PIP5K1B: variants seen among roughly 807,000 people sequenced by gnomAD.
The protein encoded by PIP5K1B is phosphatidylinositol 4-phosphate 5-kinase type-1 beta.
In PIP5K1B, 42 loss-of-function variants were observed where a neutral mutation model predicts 67.0. The observed-to-expected ratio is 0.63, with a 90% CI of 0.49 to 0.81. The LOEUF is 0.81. PIP5K1B is among the 30% of genes least tolerant of loss of function. The pLI is 0.00. For synonymous variants in PIP5K1B, 214 were observed against 231.4 expected, an observed-to-expected ratio of 0.92 and a Z score of 0.68; for missense variants, 459 against 646.3, an observed-to-expected ratio of 0.71 and a Z score of 3.14.
chr9:68,803,625 C>G (rs1832718862), intron 2 of PIP5K1B, among the ~76,000 whole-genome samples: 1 of 152,234 alleles, frequency 6.6e-6, no homozygotes, highest in African/African-American at 2.4e-5. Context: ...ATGCACTTCC[C>G]AACTGAGTTT....
In PIP5K1B at chr9:68,991,273, GT is replaced by G. The variant is rs757246853; in HGVS notation, c.1620+19del. ...CGTCTATTTAGTAAGTAATTTTTTA[GT>G]TTCCTCTCCTCCACTTCTGGTTTGT... On this transcript the variant is annotated intron_variant, in intron 15 of 15. Coordinates refer to ENST00000265382, the MANE Select transcript of PIP5K1B (RefSeq NM_003558.4). 2.2e-6 allele frequency: 3 copies of G among 1,357,226 alleles called. No individual in the cohort carries two copies. The highest frequency in any genetic ancestry group is 3.2e-6 in the Non-Finnish European group (3 of 945,734). 84.1% of individuals were successfully genotyped at this position (1,357,226 alleles called of 1,614,324 possible). A position where few individuals can be genotyped will look rare whatever the true frequency, so the allele number is the denominator to read the frequency against.
chr9:68,857,113 G>A (rs1173004749), intron 4 of PIP5K1B, among the ~76,000 whole-genome samples: 2 of 151,836 alleles, frequency 1.3e-5, no homozygotes, highest in East Asian at 1.9e-4. Context: ...CAAGGAATGC[G>A]GGTGGACTCT....
chr9:68,887,116 A>C (rs1824516578), intron 6 of PIP5K1B, among the ~76,000 whole-genome samples: 1 of 152,054 alleles, frequency 6.6e-6, no homozygotes, highest in Non-Finnish European at 1.5e-5. Flanking sequence ...TTTAGAATTT[A>C]CTGCAACTCA....
At chr9:68,754,301 C>A (rs1829809730) in intron 2 of PIP5K1B, among the ~76,000 whole-genome samples, 2 of 151,482 alleles carry the variant, frequency 1.3e-5, no homozygotes, top group South Asian at 4.2e-4. Context: ...TCCCAAGTAG[C>A]TGGGACTACA....
At chr9:68,991,118 T>G in intron 14 of PIP5K1B, 22 bp from the exon 15 acceptor site, 1 of 1,337,068 alleles carries the variant, frequency 7.5e-7, no homozygotes, top group Non-Finnish European at 1.1e-6. Flanking sequence ...CTCATGCCCA[T>G]CATTCATCTT....
At chr9:68,873,955 A>G (rs2132306550) in intron 5 of PIP5K1B, among the ~76,000 whole-genome samples, 1 of 152,324 alleles carries the variant, frequency 6.6e-6, no homozygotes, top group East Asian at 1.9e-4. Flanking sequence ...AATAAAACCT[A>G]CTAGGAGAGA....
intron 2 of PIP5K1B, among the ~76,000 whole-genome samples, chr9:68,786,986 A>G (rs1452239952): frequency 6.6e-6 from 1 of 152,290 alleles, no homozygotes; most frequent in East Asian, 1.9e-4. Flanking sequence ...AGCCATGTCT[A>G]CCTTCATGGA....
At chr9:68,916,702 T>C (rs1826112172) in intron 8 of PIP5K1B, among the ~76,000 whole-genome samples, 1 of 151,840 alleles carries the variant, frequency 6.6e-6, no homozygotes, top group African/African-American at 2.4e-5. Context: ...TGAAACCCTG[T>C]CTCTACTAAA....
intron 14 of PIP5K1B, among the ~76,000 whole-genome samples, chr9:68,960,207 T>C (rs2132737724): frequency 6.6e-6 from 1 of 152,334 alleles, no homozygotes; most frequent in South Asian, 2.1e-4. Context: ...AAGGCATTAT[T>C]CCATTGTCTT....
intron 8 of PIP5K1B, among the ~76,000 whole-genome samples, chr9:68,905,545 G>A (rs987806310): frequency 6.6e-6 from 1 of 152,082 alleles, no homozygotes; most frequent in Non-Finnish European, 1.5e-5. Context: ...GAGATTTAAG[G>A]CATATTTGAG....
intron 5 of PIP5K1B, among the ~76,000 whole-genome samples, chr9:68,872,305 C>T (rs1330049808): frequency 2.6e-5 from 4 of 152,196 alleles, no homozygotes; most frequent in Non-Finnish European, 4.4e-5. Context: ...TCTCTGCACT[C>T]GTGCTCCCCT....
chr9:68,801,549 G>A lies in PIP5K1B; in HGVS notation c.-85-16912G>A, dbSNP rs117514034. Among the ~76,000 whole-genome samples, 1,466 of 152,136 alleles carry A rather than the reference G, an allele frequency of 9.6e-3. 14 individuals are homozygous for A. The highest frequency in any genetic ancestry group is 0.016 in the Non-Finnish European group (1,107 of 67,982). Reference sequence around the variant, plus strand: ...AGACTAAAGATTTGGGATTTTTTTCGTACTTTCAAAACCACAGGGATTGAC... The same window carrying A: ...AGACTAAAGATTTGGGATTTTTTTCATACTTTCAAAACCACAGGGATTGAC... On this transcript the variant is annotated intron_variant, in intron 2 of 15. Coordinates refer to ENST00000265382, the MANE Select transcript of PIP5K1B (RefSeq NM_003558.4).
At chr9:68,916,565 C>T (rs762055501) in intron 8 of PIP5K1B, among the ~76,000 whole-genome samples, 4 of 152,064 alleles carry the variant, frequency 2.6e-5, no homozygotes, top group South Asian at 2.1e-4. Flanking sequence ...GGGAACTGAA[C>T]GGCACCTTCG....
chr9:68,851,889 G>A (rs1296942498), intron 4 of PIP5K1B, among the ~76,000 whole-genome samples: 1 of 152,240 alleles, frequency 6.6e-6, no homozygotes, highest in East Asian at 1.9e-4. Context: ...ATCTGAGCCA[G>A]GCCGTGTGGC....
At chr9:68,875,841 C>T (rs1014749674) in intron 5 of PIP5K1B, among the ~76,000 whole-genome samples, 1 of 152,102 alleles carries the variant, frequency 6.6e-6, no homozygotes, top group Non-Finnish European at 1.5e-5. Context: ...GGTGGTTTGA[C>T]TGAGCTCATG....
chr9:68,749,891 A>G (rs1252138384), intron 2 of PIP5K1B, among the ~76,000 whole-genome samples: 1 of 152,196 alleles, frequency 6.6e-6, no homozygotes, highest in East Asian at 1.9e-4. Flanking sequence ...GTTGAGAAAC[A>G]CCAAGGTAGA....
At chr9:68,889,214 G>C in intron 7 of PIP5K1B, 81 bp downstream of exon 7, 3 of 994,228 alleles carry the variant, frequency 3.0e-6, no homozygotes, top group Non-Finnish European at 4.6e-6. Context: ...GTTTTTTTCA[G>C]TGACTCAGGC....
intron 6 of PIP5K1B, among the ~76,000 whole-genome samples, chr9:68,887,994 T>C (rs1020890522): frequency 1.9e-4 from 29 of 151,174 alleles, no homozygotes; most frequent in Non-Finnish European, 3.8e-4. Flanking sequence ...TTTTTTTTTT[T>C]TTTGAGCAGA....
At chr9:68,831,872 T>C (rs934569226) in intron 4 of PIP5K1B, among the ~76,000 whole-genome samples, 2 of 152,180 alleles carry the variant, frequency 1.3e-5, no homozygotes, top group African/African-American at 4.8e-5. Flanking sequence ...AGACAGAGTT[T>C]CGCCATGTTG....
Sources: gnomAD v4.1 joint callset for allele counts (sites outside exome capture counted in the v4.1 genomes callset) on GRCh38, gnomAD v4.1.1 for gene constraint, MANE v1.5 for transcripts, NCBI Gene and HGNC (gene_info 2026-07-23, HGNC 2026-07-21) for gene names.